BRAP: variants seen among roughly 807,000 people sequenced by gnomAD.
BRAP encodes the protein BRCA1 associated protein.
A neutral mutation model predicts 73.4 loss-of-function variants in BRAP; 42 were observed. The ratio of observed to expected loss-of-function variants is 0.57; its 90% CI spans 0.45 to 0.74. The LOEUF (loss-of-function observed/expected upper bound fraction) is 0.74. BRAP is among the 30% of genes least tolerant of loss of function. The pLI, the probability that BRAP is intolerant of heterozygous loss-of-function variation, is 0.00. For missense variants in BRAP, 593 were observed against 751.4 expected (o/e 0.79, Z 2.46); for synonymous variants, 255 against 267.4 (o/e 0.95, Z 0.45).
intron 6 of BRAP, among the ~76,000 whole-genome samples, chr12:111,662,089 GCCAATAAAAACAATGTTGAA>G (rs1214371441): frequency 2.8e-4 from 42 of 152,112 alleles, no homozygotes; most frequent in Non-Finnish European, 5.3e-4. Context: ...TTTACAAAAA[GCCAATAAAAACAATGTTGAA>G]AAAATCCATT....
At chr12:111,664,436 A>T (rs1428489580) in intron 6 of BRAP, among the ~76,000 whole-genome samples, 1 of 152,216 alleles carries the variant, frequency 6.6e-6, no homozygotes, top group Non-Finnish European at 1.5e-5. Flanking sequence ...AGGAATGCAC[A>T]TATCTCAGTA....
At chr12:111,682,664 C>A (rs1176135758) in intron 2 of BRAP, among the ~76,000 whole-genome samples, 2 of 152,096 alleles carry the variant, frequency 1.3e-5, no homozygotes, top group Admixed American at 6.6e-5. Flanking sequence ...GTAATTCCAG[C>A]ACTTTGGGAG....
In BRAP at chr12:111,644,372, C is replaced by T. The variant is rs376787096; in HGVS notation, c.1606G>A (p.Val536Ile). ...TGCTGTGTCTCCAGGTAGAACATGA[C>T]GTCACGCAGCTGCTCCTGGATCTCG... ...ITEIQEQLRD[V>I]MFYLETQQKI... is the part of the protein sequence containing the mutation. Residue 536 changes from valine to isoleucine, a missense_variant, in exon 12 of 12, where the codon GTC (valine) becomes ATC (isoleucine). Physicochemically the swap from Val to Ile is conservative, Grantham distance 29. Coordinates refer to ENST00000419234, the MANE Select transcript of BRAP (RefSeq NM_006768.5). 1.9e-5 allele frequency: 30 copies of T among 1,613,672 alleles called. No homozygotes were observed. The highest frequency in any genetic ancestry group is 1.6e-4 in the Middle Eastern group (1 of 6,084).
chr12:111,677,079 T>C (rs939881859), intron 4 of BRAP, among the ~76,000 whole-genome samples: 3 of 152,174 alleles, frequency 2.0e-5, no homozygotes, highest in Admixed American at 1.3e-4. Flanking sequence ...AGGGGAAGGA[T>C]AGTGCAGATG....
chr12:111,682,168 G>T (rs1276013409), intron 2 of BRAP, among the ~76,000 whole-genome samples: 8 of 152,176 alleles, frequency 5.3e-5, no homozygotes, highest in Non-Finnish European at 1.0e-4. Context: ...AAACCTACCA[G>T]TTCTGACCAC....
chr12:111,658,808 A>C lies in BRAP; in HGVS notation c.1149T>G (p.Asp383Glu). Residue 383 changes from aspartate to glutamate, a missense_variant, in exon 9 of 12, where the codon GAT (aspartate) becomes GAG (glutamate). Asp to Glu is a conservative substitution (Grantham distance 45). This residue lies in a region of BRAP where 143 missense variants were observed against 190.4 expected (regional missense o/e 0.75). Transcript: ENST00000419234. ...YVHRLVASKT[D>E]GKIVQYECEG... The stretch of plus-strand genomic sequence containing the variant: ...CACATTCATACTGTACTATTTTTCC[A>C]TCTGTTTTACTTGCAACCAGTCGAT... 6.2e-7 allele frequency: 1 copy of C among 1,612,830 alleles called. No individual in the cohort carries two copies. Among genetic ancestry groups the C allele is most frequent in the Non-Finnish European group, 8.5e-7 (1 of 1,179,056 alleles).
At chr12:111,679,725 A>T (rs1887526187) in intron 3 of BRAP, among the ~76,000 whole-genome samples, 1 of 151,584 alleles carries the variant, frequency 6.6e-6, no homozygotes, top group African/African-American at 2.4e-5. Flanking sequence ...AATACAAAAA[A>T]AATTAGCCGG....
chr12:111,660,939 A>G (rs1024803303), intron 6 of BRAP, among the ~76,000 whole-genome samples: 4 of 152,086 alleles, frequency 2.6e-5, no homozygotes, highest in Non-Finnish European at 4.4e-5. Flanking sequence ...CTAAGTATTT[A>G]CAGGTTACAA....
At position 111,676,917 on chromosome 12, in the gene BRAP, G is replaced by A. The variant is rs571578559; in HGVS notation, c.633+2234C>T. 2.0e-5 allele frequency among the ~76,000 whole-genome samples: 3 copies of A among 151,984 alleles called. No individual in the cohort carries two copies. In the South Asian group the frequency reaches 6.2e-4, roughly 32 times the overall value. On this transcript the variant is annotated intron_variant, in intron 4 of 11. Transcript: ENST00000419234. Reference sequence around the variant, plus strand: ...ATCCCTGTTAGGATGATAGGGATTAGCCCCTAAGACCCAGAGTTAGCAATA... The same window carrying A: ...ATCCCTGTTAGGATGATAGGGATTAACCCCTAAGACCCAGAGTTAGCAATA...
rs564088980 is a variant in BRAP at position 111,643,888 on chromosome 12, A to C, written c.*311T>G. 19 of 314,840 alleles carry C rather than the reference A, an allele frequency of 6.0e-5. No individual in the cohort carries two copies. Among genetic ancestry groups the C allele is most frequent in the South Asian group, 5.6e-4 (9 of 16,160 alleles). The allele number at this position is 314,840 out of a possible 1,614,324, so 19.5% of individuals were successfully genotyped here. A position where few individuals can be genotyped will look rare whatever the true frequency, so the allele number is the denominator to read the frequency against. On this transcript the variant is annotated 3_prime_UTR_variant, in exon 12 of 12. Coordinates refer to ENST00000419234, the MANE Select transcript of BRAP (RefSeq NM_006768.5). ...CCAGAACTGAATGTCAAATACGCCA[A>C]CTCCATAAATACAATGGAAAAATGC...
chr12:111,660,853 A>T (rs1015031357), intron 6 of BRAP, among the ~76,000 whole-genome samples, 178 bp from the exon 7 acceptor site: 8 of 152,206 alleles, frequency 5.3e-5, no homozygotes, highest in African/African-American at 1.9e-4. Flanking sequence ...ATCTTGATAA[A>T]ACAGAGAACA....
At chr12:111,679,064 T>C (rs953526597) in intron 4 of BRAP, 87 bp downstream of exon 4, 3 of 967,672 alleles carry the variant, frequency 3.1e-6, no homozygotes, top group East Asian at 2.8e-5. Flanking sequence ...AAGTGCAAAA[T>C]GTTGTAAATC....
chr12:111,658,484 C>A (rs1235742362), intron 9 of BRAP, among the ~76,000 whole-genome samples: 1 of 151,994 alleles, frequency 6.6e-6, no homozygotes, highest in Non-Finnish European at 1.5e-5. Context: ...TGCCACCATG[C>A]CCAGCTAATT....
At chr12:111,678,736 C>A (rs1240955634) in intron 4 of BRAP, among the ~76,000 whole-genome samples, 1 of 142,508 alleles carries the variant, frequency 7.0e-6, no homozygotes, top group Non-Finnish European at 1.5e-5. Flanking sequence ...GCCACCCAGG[C>A]TGGAGTGCAG....
At chr12:111,659,403 G>T in intron 7 of BRAP, 58 bp from the exon 8 acceptor site, 2 of 1,532,484 alleles carry the variant, frequency 1.3e-6, no homozygotes, top group South Asian at 1.2e-5. Context: ...CTGGCTGGGC[G>T]CGATGGCTCG....
At chr12:111,670,235 A>G in intron 5 of BRAP, 2 of 601,458 alleles carry the variant, frequency 3.3e-6, no homozygotes, top group Non-Finnish European at 6.5e-6. Flanking sequence ...CCGTTTCTCA[A>G]TGCTGCGACT....
intron 5 of BRAP, among the ~76,000 whole-genome samples, chr12:111,666,375 A>C (rs1254799663): frequency 1.3e-5 from 2 of 152,252 alleles, no homozygotes; most frequent in African/African-American, 4.8e-5. Context: ...TTTTCCATAG[A>C]GTAAGTTATA....
intron 11 of BRAP, among the ~76,000 whole-genome samples, chr12:111,646,724 G>C (rs1566108060): frequency 6.6e-6 from 1 of 152,176 alleles, no homozygotes. Context: ...AGTGAGTCGA[G>C]ATCGTGCCAC....
chr12:111,663,390 T>C (rs1383644421), intron 6 of BRAP, among the ~76,000 whole-genome samples: 1 of 152,102 alleles, frequency 6.6e-6, no homozygotes, highest in Non-Finnish European at 1.5e-5. Context: ...GAGGTGGAAG[T>C]TGCAGTGAGC....
Sources: gnomAD v4.1 joint callset for allele counts (sites outside exome capture counted in the v4.1 genomes callset) on GRCh38, gnomAD v4.1.1 for gene constraint, gnomAD v4.1.1 regional missense constraint, MANE v1.5 for transcripts, NCBI Gene and HGNC (gene_info 2026-07-23, HGNC 2026-07-21) for gene names.